Variants in TTC7A observed in about 807,000 individuals in gnomAD.
TTC7A encodes tetratricopeptide repeat domain 7A.
In TTC7A, 110 loss-of-function variants were observed where a neutral mutation model predicts 103.7. The observed-to-expected ratio is 1.06, with a 90% CI of 0.91 to 1.24. TTC7A has a LOEUF of 1.24. Among genes scored for constraint, TTC7A ranks in the 50% most tolerant of loss-of-function variants. The pLI, the probability that TTC7A is intolerant of heterozygous loss-of-function variation, is 0.00. For missense variants in TTC7A, 1,340 were observed against 1,116.3 expected (o/e 1.20, Z -2.86); for synonymous variants, 521 against 467.9 (o/e 1.11, Z -1.47).
intron 5 of TTC7A, among the ~76,000 whole-genome samples, chr2:46,982,275 G>A (rs1315025700): frequency 1.3e-5 from 2 of 152,218 alleles, no homozygotes; most frequent in Non-Finnish European, 2.9e-5. Context: ...TTGGGAGGCT[G>A]AGGTGGGAGG....
Position 46,941,467 on chromosome 2 carries a change from G to A in TTC7A, c.-75G>A. 9 of 1,477,796 alleles carry A rather than the reference G, an allele frequency of 6.1e-6. No homozygotes were observed. The highest frequency in any genetic ancestry group is 8.1e-6 in the Non-Finnish European group (9 of 1,106,436). 91.5% of individuals were successfully genotyped at this position (1,477,796 alleles called of 1,614,324 possible). A position where few individuals can be genotyped will look rare whatever the true frequency, so the allele number is the denominator to read the frequency against. On this transcript the variant is annotated 5_prime_UTR_variant, in exon 1 of 20. Transcript: ENST00000319190. The surrounding 1 kb of genome is among the most constrained non-coding windows in gnomAD (Gnocchi z 4.2). ...CCCCGTCGACCCCGCCCGCGAGTGC[G>A]CCCCAGCCAGGACGCCGCCCCCGGC...
chr2:46,988,399 G>A (rs906308750), intron 5 of TTC7A, among the ~76,000 whole-genome samples: 1 of 152,202 alleles, frequency 6.6e-6, no homozygotes, highest in Non-Finnish European at 1.5e-5. Context: ...TGATTCACCC[G>A]TTCAGCTGTT....
intron 5 of TTC7A, among the ~76,000 whole-genome samples, chr2:46,985,021 C>G (rs919572634): frequency 6.6e-6 from 1 of 152,204 alleles, no homozygotes; most frequent in African/African-American, 2.4e-5. Flanking sequence ...TGGTCCCACC[C>G]TCCCTAGAGC....
intron 2 of TTC7A, among the ~76,000 whole-genome samples, chr2:46,953,889 TG>T (rs1337164785): frequency 3.3e-5 from 5 of 151,692 alleles, no homozygotes; most frequent in African/African-American, 4.8e-5. Context: ...TCTCAGATTC[TG>T]GGTTTCAAGC....
At chr2:47,073,170 T>C (rs1260502025) in intron 19 of TTC7A, among the ~76,000 whole-genome samples, 1 of 152,176 alleles carries the variant, frequency 6.6e-6, no homozygotes, top group Non-Finnish European at 1.5e-5. Flanking sequence ...AGGCCTGTAA[T>C]GCGTCCTCCT....
chr2:46,944,424 G>T (rs1229068983), intron 1 of TTC7A, among the ~76,000 whole-genome samples: 21 of 115,406 alleles, frequency 1.8e-4, no homozygotes, highest in Non-Finnish European at 2.8e-4. Flanking sequence ...CTTTCACCCA[G>T]ACTGGAGTTC....
chr2:47,065,023 C>T (rs1277113269), intron 19 of TTC7A, among the ~76,000 whole-genome samples: 1 of 152,230 alleles, frequency 6.6e-6, no homozygotes, highest in East Asian at 1.9e-4. Flanking sequence ...CTCAGTGGCT[C>T]ACGCCTGTAA....
chr2:47,073,454 G>A (rs904149656), intron 19 of TTC7A, among the ~76,000 whole-genome samples: 4 of 152,196 alleles, frequency 2.6e-5, no homozygotes, highest in East Asian at 3.8e-4. Flanking sequence ...CCAGTTCCTC[G>A]GGACCGGCAG....
At position 46,917,255 on chromosome 2, in the gene TTC7A, C is replaced by G. The variant is rs76192704; in HGVS notation, c.60C>G (p.Leu20=). 25,068 of 699,252 alleles carry G rather than the reference C, an allele frequency of 0.036. 578 individuals carry two copies. Among genetic ancestry groups the G allele is most frequent in the Non-Finnish European group, 0.047 (17,940 of 383,958 alleles). 43.3% of individuals were successfully genotyped at this position (699,252 alleles called of 1,614,324 possible). A position where few individuals can be genotyped will look rare whatever the true frequency, so the allele number is the denominator to read the frequency against. Residue 20 remains leucine, a synonymous_variant, in exon 2 of 21, where the codon CTC becomes CTG. Transcript: ENST00000409245. Reference sequence around the variant, plus strand: ...AGCAATCCTCCCACCACCTCCGCCTCCCAAAGTGCTGGGATTACAGGGGTG... The same window carrying G: ...AGCAATCCTCCCACCACCTCCGCCTGCCAAAGTGCTGGGATTACAGGGGTG...
At chr2:46,984,800 C>T (rs1674841168) in intron 5 of TTC7A, among the ~76,000 whole-genome samples, 1 of 152,160 alleles carries the variant, frequency 6.6e-6, no homozygotes, top group Non-Finnish European at 1.5e-5. Context: ...CGAGCTTACC[C>T]ACTGTGATTC....
chr2:47,073,312 A>G (rs1456746464), intron 19 of TTC7A, among the ~76,000 whole-genome samples: 2 of 152,088 alleles, frequency 1.3e-5, no homozygotes, highest in East Asian at 1.9e-4. Context: ...ACTCCTTTCA[A>G]CCTCACCGCG....
chr2:46,991,022 C>G (rs554691424), intron 5 of TTC7A, among the ~76,000 whole-genome samples: 1 of 152,310 alleles, frequency 6.6e-6, no homozygotes, highest in South Asian at 2.1e-4. Context: ...AAGCAATTCT[C>G]CTGCCTCAGC....
chr2:47,019,315 T>C (rs535363019), intron 11 of TTC7A, among the ~76,000 whole-genome samples: 1 of 152,172 alleles, frequency 6.6e-6, no homozygotes, highest in South Asian at 2.1e-4. Flanking sequence ...GGAGGATTGC[T>C]TGAGCCCAGG....
chr2:46,938,124 C>T (rs968463903), upstream of TTC7A, among the ~76,000 whole-genome samples: 8 of 151,920 alleles, frequency 5.3e-5, no homozygotes, highest in African/African-American at 1.9e-4. Flanking sequence ...GGCCAGATCT[C>T]CAAAACCTCC....
At chr2:46,971,234 T>C (rs997019450) in intron 3 of TTC7A, among the ~76,000 whole-genome samples, 9 of 152,292 alleles carry the variant, frequency 5.9e-5, no homozygotes, top group African/African-American at 2.2e-4. Flanking sequence ...GGAATATGTA[T>C]AGACTGGGGC....
intron 3 of TTC7A, among the ~76,000 whole-genome samples, chr2:46,970,945 T>G (rs1305787332): frequency 6.6e-6 from 1 of 152,198 alleles, no homozygotes; most frequent in Non-Finnish European, 1.5e-5. Context: ...TTGGATCTGG[T>G]CACACCCCAG....
chr2:47,069,915 G>A (rs1684519733), intron 19 of TTC7A, among the ~76,000 whole-genome samples: 2 of 152,226 alleles, frequency 1.3e-5, no homozygotes, highest in South Asian at 2.1e-4. Flanking sequence ...CAGCTGGAAA[G>A]GCTGTTACAG....
At chr2:46,974,612 A>T in intron 3 of TTC7A, 1 of 454,966 alleles carries the variant, frequency 2.2e-6, no homozygotes, top group Non-Finnish European at 4.4e-6. Flanking sequence ...GGAAATGGGG[A>T]ACTAGGGAAA....
At chr2:46,931,929 C>T (rs1184755440) in intron 2 of TTC7A, among the ~76,000 whole-genome samples, 1 of 152,018 alleles carries the variant, frequency 6.6e-6, no homozygotes, top group African/African-American at 2.4e-5. Context: ...AAGTTGATTC[C>T]AGAAATGTGA....
Sources: gnomAD v4.1 joint callset for allele counts (sites outside exome capture counted in the v4.1 genomes callset) on GRCh38, gnomAD v4.1.1 for gene constraint, Gnocchi (gnomAD v3.1) non-coding constraint, MANE v1.5 for transcripts, NCBI Gene and HGNC (gene_info 2026-07-23, HGNC 2026-07-21) for gene names.